The following DYTN variants were observed in gnomAD, a reference collection of about 807,000 sequenced individuals.
DYTN encodes dystrotelin.
In DYTN, 75 loss-of-function variants were observed where a neutral mutation model predicts 69.6. That is an observed-to-expected ratio of 1.08 (90% CI 0.89 to 1.31). The LOEUF (loss-of-function observed/expected upper bound fraction) is 1.31. DYTN is among the 50% of genes most tolerant of loss of function. The probability of loss-of-function intolerance (pLI) is 0.00; values close to 1 mark genes in which losing one functional copy is unlikely to be tolerated. For missense variants in DYTN, 726 were observed against 688.4 expected (o/e 1.05, Z -0.61); for synonymous variants, 252 against 249.1 (o/e 1.01, Z -0.11).
At chr2:206,712,473 C>T (rs181633464) in intron 1 of DYTN, among the ~76,000 whole-genome samples, 6 of 152,134 alleles carry the variant, frequency 3.9e-5, no homozygotes, top group African/African-American at 7.2e-5. Flanking sequence ...GATCTTATAA[C>T]GTGAAGGGAA....
intron 9 of DYTN, among the ~76,000 whole-genome samples, chr2:206,683,066 C>A (rs1699767730): frequency 6.6e-6 from 1 of 152,000 alleles, no homozygotes; most frequent in Non-Finnish European, 1.5e-5. Flanking sequence ...AAAGCTAGAC[C>A]CTTGCTAAAA....
At chr2:206,698,612 T>G (rs1167939167) in intron 7 of DYTN, among the ~76,000 whole-genome samples, 1 of 152,206 alleles carries the variant, frequency 6.6e-6, no homozygotes, top group African/African-American at 2.4e-5. Flanking sequence ...CACCTGGTGG[T>G]TTCTTTCTCT....
intron 9 of DYTN, among the ~76,000 whole-genome samples, chr2:206,673,078 C>G (rs1291231240): frequency 2.0e-5 from 3 of 152,188 alleles, no homozygotes; most frequent in Non-Finnish European, 4.4e-5. Flanking sequence ...CCTCTCCCTC[C>G]TCCCACCCTC....
At chr2:206,657,054 G>A (rs1008888777) in intron 11 of DYTN, among the ~76,000 whole-genome samples, 15 of 151,854 alleles carry the variant, frequency 9.9e-5, no homozygotes, top group African/African-American at 3.6e-4. Context: ...GAGCCATCTC[G>A]CCCAGCCATC....
At chr2:206,655,247 A>ATTTT (rs56068317) in intron 11 of DYTN, among the ~76,000 whole-genome samples, 1 of 140,842 alleles carries the variant, frequency 7.1e-6, no homozygotes. Flanking sequence ...TGATTGTGTG[A>ATTTT]TTTTTTTTTT....
chr2:206,687,276 C>A, intron 9 of DYTN: 1 of 155,466 alleles, frequency 6.4e-6, no homozygotes, highest in South Asian at 1.8e-4. Flanking sequence ...GGGACTGAAT[C>A]CTTACAAGAT....
chr2:206,661,117 G>T (rs1178019097), intron 11 of DYTN, among the ~76,000 whole-genome samples: 1 of 152,132 alleles, frequency 6.6e-6, no homozygotes, highest in Non-Finnish European at 1.5e-5. Context: ...CCATATAAAG[G>T]CATGAGGGAA....
At chr2:206,702,073 C>T (rs551343683) in intron 5 of DYTN, among the ~76,000 whole-genome samples, 3 of 152,262 alleles carry the variant, frequency 2.0e-5, no homozygotes, top group Admixed American at 1.3e-4. Context: ...TATCACAGCC[C>T]GACCTTACAT....
At position 206,651,899 on chromosome 2, in the gene DYTN, C is replaced by A. The variant is rs1699392261; in HGVS notation, c.1656G>T (p.Met552Ile). 6.2e-7 allele frequency: 1 copy of A among 1,613,206 alleles called. No individual in the cohort carries two copies. Among genetic ancestry groups the A allele is most frequent in the Non-Finnish European group, 8.5e-7 (1 of 1,179,416 alleles). The change falls in exon 12 of 12, where the codon ATG (methionine) becomes ATT (isoleucine). Residue 552 changes from methionine (M) to isoleucine (I), a missense_variant. Transcript: ENST00000452335. ...TPSGPESSVN[M>I]DLYSGAQRVC... ...CTCGCTGAGCTCCACTGTACAGGTCCATGTTTACTGAAGACTCCGGGCCTG... is the reference window on the plus strand; with the variant it reads ...CTCGCTGAGCTCCACTGTACAGGTCAATGTTTACTGAAGACTCCGGGCCTG...
intron 2 of DYTN, among the ~76,000 whole-genome samples, chr2:206,710,061 C>T (rs1700065512): frequency 6.6e-6 from 1 of 152,142 alleles, no homozygotes; most frequent in Non-Finnish European, 1.5e-5. Context: ...GTTATTTATT[C>T]ATTTGTACCT....
intron 7 of DYTN, among the ~76,000 whole-genome samples, chr2:206,696,345 C>A (rs1191396547): frequency 2.0e-5 from 3 of 152,198 alleles, no homozygotes; most frequent in Admixed American, 6.5e-5. Context: ...GGCAGAAGGT[C>A]TGATGGTCTG....
chr2:206,692,880 CAA>C (rs1226355509), intron 9 of DYTN, among the ~76,000 whole-genome samples: 1 of 151,462 alleles, frequency 6.6e-6, no homozygotes, highest in Non-Finnish European at 1.5e-5. Context: ...AGGAATATAA[CAA>C]AGTTATTCAA....
chr2:206,684,168 G>A (rs1231096067), intron 9 of DYTN, among the ~76,000 whole-genome samples: 1 of 151,886 alleles, frequency 6.6e-6, no homozygotes, highest in African/African-American at 2.4e-5. Flanking sequence ...TGAAAATTCT[G>A]TAGCCATTTG....
intron 7 of DYTN, among the ~76,000 whole-genome samples, chr2:206,697,661 A>G (rs538331842): frequency 6.6e-6 from 1 of 152,348 alleles, no homozygotes; most frequent in East Asian, 1.9e-4. Flanking sequence ...AAACAAACCA[A>G]AAAACAAAAA....
At chr2:206,693,004 T>C (rs978187810) in intron 9 of DYTN, among the ~76,000 whole-genome samples, 171 bp downstream of exon 9, 2 of 152,196 alleles carry the variant, frequency 1.3e-5, no homozygotes, top group Non-Finnish European at 2.9e-5. Context: ...AGTTCTACTT[T>C]GAAATTAAAG....
At chr2:206,692,988 CCT>C (rs1699880403) in intron 9 of DYTN, among the ~76,000 whole-genome samples, 185 bp downstream of exon 9, 1 of 152,092 alleles carries the variant, frequency 6.6e-6, no homozygotes, top group Non-Finnish European at 1.5e-5. Flanking sequence ...GGTGTTGTGG[CCT>C]CTTAGTTCTA....
At position 206,694,848 on chromosome 2, in the gene DYTN, T is replaced by G; in HGVS notation, c.749A>C (p.Asp250Ala). The G allele has an allele frequency of 6.2e-7, 1 of 1,608,680 alleles. No individual in the cohort carries two copies. Among genetic ancestry groups the G allele is most frequent in the Non-Finnish European group, 8.5e-7 (1 of 1,178,496 alleles). The part of the protein sequence containing the change: ...RYRCLKCLNF[D>A]ICQMCFLSGL... ...AGATAAGAAACACATCTGGCAGATG[T>G]CAAAGTTGAGACACTTCAGACAGCG... is the stretch of plus-strand genomic sequence containing the variant. The change falls in exon 8 of 12, where the codon GAC (aspartate) becomes GCC (alanine). Residue 250 changes from aspartate to alanine, a missense_variant. Asp to Ala is a moderately radical substitution (Grantham distance 126). Coordinates refer to ENST00000452335, the MANE Select transcript of DYTN (RefSeq NM_001093730.1).
Position 206,718,268 on chromosome 2 carries a change from A to T in DYTN, c.12T>A (p.Asp4Glu). 1 of 1,599,782 alleles carries T rather than the reference A, an allele frequency of 6.3e-7. No homozygotes were observed. The highest frequency in any genetic ancestry group is 8.5e-7 in the Non-Finnish European group (1 of 1,173,094). The change falls in exon 1 of 12, where the codon GAT becomes GAA. Residue 4 changes from aspartate (D) to glutamate (E), a missense_variant. By Grantham distance (45) the Asp-to-Glu change is conservative. Transcript: ENST00000452335. MDP[D>E]KQDALNSIEN... is the part of the protein sequence containing the mutation. ...CTTGACAATAATACTCACCTTGTTT[A>T]TCTGGATCCATTTCACAAATTTCCT...
chr2:206,661,979 G>A (rs1459570787), intron 11 of DYTN, among the ~76,000 whole-genome samples: 2 of 152,120 alleles, frequency 1.3e-5, no homozygotes, highest in African/African-American at 4.8e-5. Flanking sequence ...TTTGAATTTT[G>A]TTCATTTCCC....
Sources: gnomAD v4.1 joint callset for allele counts (sites outside exome capture counted in the v4.1 genomes callset) on GRCh38, gnomAD v4.1.1 for gene constraint, MANE v1.5 for transcripts, NCBI Gene and HGNC (gene_info 2026-07-23, HGNC 2026-07-21) for gene names.